Variants in TPRG1 observed in about 807,000 individuals in gnomAD.
TPRG1 encodes tumor protein p63 regulated 1.
A neutral mutation model predicts 29.3 loss-of-function variants in TPRG1; 29 were observed. The ratio of observed to expected loss-of-function variants is 0.99; its 90% CI spans 0.74 to 1.35. The LOEUF (loss-of-function observed/expected upper bound fraction) is 1.35. Ranked by LOEUF, TPRG1 falls within the 40% of genes most tolerant of loss-of-function variation. The pLI is 0.00. For synonymous variants in TPRG1, 130 were observed against 116.8 expected (o/e 1.11, Z -0.73); for missense variants, 327 against 335.0 (o/e 0.98, Z 0.19).
At chr3:189,131,603 G>T (rs1003303816) in intron 2 of TPRG1, among the ~76,000 whole-genome samples, 1 of 152,088 alleles carries the variant, frequency 6.6e-6, no homozygotes, top group East Asian at 1.9e-4. Context: ...GTCAATAAAC[G>T]AATCCCCCAT....
chr3:189,114,402 C>T (rs183849168), intron 1 of TPRG1, among the ~76,000 whole-genome samples: 34 of 152,216 alleles, frequency 2.2e-4, no homozygotes, highest in African/African-American at 7.7e-4. Context: ...CCTGCCTCAG[C>T]CTCCCAAGTA....
intron 3 of TPRG1, among the ~76,000 whole-genome samples, chr3:189,022,959 C>T (rs1322089741): frequency 6.6e-6 from 1 of 152,228 alleles, no homozygotes. Context: ...GTCGGAAAAG[C>T]GCAGTATTCG....
At chr3:189,218,998 G>T (rs138030715) in intron 3 of TPRG1, among the ~76,000 whole-genome samples, 1 of 152,244 alleles carries the variant, frequency 6.6e-6, no homozygotes, top group African/African-American at 2.4e-5. Context: ...GGCACTGAAG[G>T]GTTGAGAAAG....
At chr3:189,161,352 T>G (rs1203060873) in intron 5 of TPRG1, among the ~76,000 whole-genome samples, 2 of 152,212 alleles carry the variant, frequency 1.3e-5, no homozygotes, top group African/African-American at 4.8e-5. Context: ...CACTTGTTTC[T>G]CCTCAGTTTC....
chr3:189,251,664 G>T (rs1316056631), intron 4 of TPRG1, among the ~76,000 whole-genome samples: 1 of 152,170 alleles, frequency 6.6e-6, no homozygotes, highest in Non-Finnish European at 1.5e-5. Context: ...ACAAGGTAAA[G>T]AATTAAGTGC....
chr3:189,173,692 T>G (rs1448326407), intron 1 of TPRG1, among the ~76,000 whole-genome samples: 3 of 152,050 alleles, frequency 2.0e-5, no homozygotes, highest in African/African-American at 7.2e-5. Context: ...GCCAGTATCA[T>G]TGGAGCTGCA....
At chr3:189,028,933 A>G (rs990975651) in intron 4 of TPRG1, among the ~76,000 whole-genome samples, 4 of 152,166 alleles carry the variant, frequency 2.6e-5, no homozygotes, top group Admixed American at 1.3e-4. Context: ...GTGTCTCGAA[A>G]TAAAGGAGCA....
At chr3:189,138,901 G>GC (rs1037328788) in intron 3 of TPRG1, among the ~76,000 whole-genome samples, 3 of 152,110 alleles carry the variant, frequency 2.0e-5, no homozygotes, top group African/African-American at 7.2e-5. Context: ...GGTGAAAGGT[G>GC]CCCTGTGGCC....
At chr3:189,050,824 A>G (rs1483713871) in intron 4 of TPRG1, among the ~76,000 whole-genome samples, 1 of 152,236 alleles carries the variant, frequency 6.6e-6, no homozygotes, top group Non-Finnish European at 1.5e-5. Flanking sequence ...AGAATTGAAA[A>G]CAAAAATCAC....
Position 189,041,042 on chromosome 3 carries a change from G to A in TPRG1, c.-463+17096G>A, listed in dbSNP as rs573186739. On this transcript the variant is annotated intron_variant, in intron 4 of 10. Transcript: ENST00000433971. ...GAGCACCTGCATCTTGAACCAGGGT[G>A]CCTTTGCACTTTAGCCTGGATAACA... 3.9e-5 allele frequency among the ~76,000 whole-genome samples: 6 copies of A among 152,240 alleles called. No individual in the cohort carries two copies. In the East Asian group the frequency reaches 5.8e-4, roughly 15 times the overall value.
At chr3:189,206,943 T>C (rs1460880392) in intron 1 of TPRG1, among the ~76,000 whole-genome samples, 1 of 152,192 alleles carries the variant, frequency 6.6e-6, no homozygotes, top group Admixed American at 6.5e-5. Context: ...CAGTTCTAAG[T>C]GCTCTTATGC....
At chr3:189,263,902 A>T (rs1713577795) in intron 4 of TPRG1, among the ~76,000 whole-genome samples, 1 of 152,286 alleles carries the variant, frequency 6.6e-6, no homozygotes, top group Non-Finnish European at 1.5e-5. Context: ...CAGCAGGGTT[A>T]TTGGGAGGTA....
intron 5 of TPRG1, among the ~76,000 whole-genome samples, chr3:189,165,660 G>A (rs908735370): frequency 1.2e-4 from 18 of 152,086 alleles, no homozygotes; most frequent in African/African-American, 4.3e-4. Flanking sequence ...GGCTGATACT[G>A]GAGTCATAAG....
intron 4 of TPRG1, chr3:189,267,701 C>G (rs1293724501): frequency 6.6e-6 from 1 of 152,200 alleles, no homozygotes; most frequent in Non-Finnish European, 1.5e-5. Flanking sequence ...GAGAGGAGAA[C>G]ATGCTCATGG....
intron 3 of TPRG1, among the ~76,000 whole-genome samples, chr3:189,019,305 G>C (rs866324280): frequency 7.0e-4 from 107 of 152,064 alleles, no homozygotes; most frequent in Admixed American, 6.9e-3. Context: ...TCCCTGTCTT[G>C]TGCCAGTTTT....
intron 4 of TPRG1, among the ~76,000 whole-genome samples, chr3:189,044,381 G>A (rs1215921087): frequency 1.3e-5 from 2 of 152,042 alleles, no homozygotes; most frequent in South Asian, 2.1e-4. Context: ...ATGGCAAAAC[G>A]CTGTCTCTAC....
chr3:189,142,050 G>T (rs534454442), intron 3 of TPRG1, among the ~76,000 whole-genome samples: 1 of 152,330 alleles, frequency 6.6e-6, no homozygotes, highest in South Asian at 2.1e-4. Context: ...GGGAAACAGG[G>T]TGACAGAAAG....
In TPRG1 at chr3:189,238,775, C is replaced by T; in HGVS notation, c.345C>T (p.Val115=). The stretch of plus-strand genomic sequence containing the variant: ...ATGAGAAGGAGAGAATTCTACTGGT[C>T]ACAGACAAGACTCTCTTGATCTGCA... ...WNNEKERILL[V]TDKTLLICKY... Residue 115 remains valine, a synonymous_variant, in exon 4 of 6, where the codon GTC becomes GTT. Transcript: ENST00000345063. The T allele has an allele frequency of 6.2e-7, 1 of 1,613,522 alleles. No homozygotes were observed. The highest frequency in any genetic ancestry group is 8.5e-7 in the Non-Finnish European group (1 of 1,179,586).
chr3:189,194,438 G>T (rs1283153880), intron 1 of TPRG1, among the ~76,000 whole-genome samples: 1 of 152,198 alleles, frequency 6.6e-6, no homozygotes, highest in Non-Finnish European at 1.5e-5. Flanking sequence ...CCTGGGCTCA[G>T]TGTTACATGA....
Sources: gnomAD v4.1 joint callset for allele counts (sites outside exome capture counted in the v4.1 genomes callset) on GRCh38, gnomAD v4.1.1 for gene constraint, MANE v1.5 for transcripts, NCBI Gene and HGNC (gene_info 2026-07-23, HGNC 2026-07-21) for gene names.